The following UBE4A variants were observed in gnomAD, a reference collection of about 807,000 sequenced individuals.
The protein encoded by UBE4A is ubiquitination factor E4A, also known as ubiquitin conjugation factor E4 A.
Under a neutral mutation model 117.9 loss-of-function variants are expected in UBE4A, and 48 were observed. The ratio of observed to expected loss-of-function variants is 0.41; its 90% confidence interval spans 0.32 to 0.52. The LOEUF (loss-of-function observed/expected upper bound fraction) is 0.52, where lower values mean the gene tolerates loss of function less well. UBE4A is among the 20% of genes least tolerant of loss of function. The pLI, the probability that UBE4A is intolerant of heterozygous loss-of-function variation, is 0.33. For missense variants in UBE4A, 1,067 were observed against 1,296.3 expected (o/e 0.82, Z 2.72); for synonymous variants, 407 against 450.0 (o/e 0.90, Z 1.21).
chr11:118,376,452 C>A, intron 9 of UBE4A, 122 bp from the exon 10 acceptor site: 1 of 1,347,340 alleles, frequency 7.4e-7, no homozygotes, highest in Non-Finnish European at 9.9e-7. Context: ...AGACAAAGAA[C>A]TAATATGACA....
At chr11:118,395,535 A>G (rs1948862829) in intron 19 of UBE4A, among the ~76,000 whole-genome samples, 1 of 152,224 alleles carries the variant, frequency 6.6e-6, no homozygotes. Flanking sequence ...GTTTCAAGAA[A>G]CCATAATCTG....
intron 4 of UBE4A, 100 bp downstream of exon 4, chr11:118,369,635 C>T (rs1948592840): frequency 1.4e-6 from 1 of 715,296 alleles, no homozygotes; most frequent in Non-Finnish European, 2.3e-6. Context: ...TCCATATGTC[C>T]ATCCCTCTCT....
At chr11:118,373,337 A>G (rs1233451072) in intron 7 of UBE4A, 49 bp downstream of exon 7, 1 of 1,592,192 alleles carries the variant, frequency 6.3e-7, no homozygotes, top group East Asian at 2.2e-5. Context: ...TGTGTAATAC[A>G]TGATGCTTCC....
At chr11:118,361,076 G>C (rs1245259423) in intron 1 of UBE4A, among the ~76,000 whole-genome samples, 1 of 150,214 alleles carries the variant, frequency 6.7e-6, no homozygotes. Context: ...GAGTGCAGTG[G>C]CACGATCTCA....
rs1280948923 is a variant in UBE4A at position 118,368,768 on chromosome 11, A to G, written c.259A>G (p.Met87Val). The G allele has an allele frequency of 1.2e-6, 2 of 1,614,210 alleles. No individual in the cohort carries two copies. The highest frequency in any genetic ancestry group is 1.7e-6 in the Non-Finnish European group (2 of 1,180,032). The change falls in exon 3 of 20, where the codon ATG (methionine) becomes GTG (valine). Residue 87 changes from methionine to valine, a missense_variant. By Grantham distance (21) the Met-to-Val change is conservative. Transcript: ENST00000252108. ...EICEQLNINH[M>V]IQRIFLITLD... is the part of the protein sequence containing the mutation. ...ATGTGAGCAACTCAACATCAATCAC[A>G]TGATCCAAAGGATCTTCCTTATTAC...
rs144410807 is a variant in UBE4A, at chr11:118,381,202, A to G, written c.1877-189A>G. 5.0e-3 allele frequency among the ~76,000 whole-genome samples: 759 copies of G among 152,364 alleles called. 4 individuals carry two copies. Among genetic ancestry groups the G allele is most frequent in the Non-Finnish European group, 8.8e-3 (597 of 68,032 alleles). Reference sequence around the variant, plus strand: ...TTACTGTTCATATATTTACTTGAATAAAAATTTAAATTGACTTACATTTAA... The same window carrying G: ...TTACTGTTCATATATTTACTTGAATGAAAATTTAAATTGACTTACATTTAA... On this transcript the variant is annotated intron_variant, in intron 11 of 19. Transcript: ENST00000252108.
chr11:118,398,015 G>A lies in UBE4A; in HGVS notation c.*1575G>A, dbSNP rs1948890942. The A allele has an allele frequency of 6.6e-6, 1 of 152,572 alleles. No individual in the cohort carries two copies. The highest frequency in any genetic ancestry group is 1.5e-5 in the Non-Finnish European group (1 of 68,034). 9.5% of individuals were successfully genotyped at this position (152,572 alleles called of 1,614,324 possible). ...GTGCTCCCTGGGCCTTTATGGCATG[G>A]GTTGACAGGATTTGTTTATTTTCTA... is the stretch of plus-strand genomic sequence containing the variant. On this transcript the variant is annotated 3_prime_UTR_variant, in exon 20 of 20. Transcript: ENST00000252108.
rs1948683740 is a variant in UBE4A, at chr11:118,379,672, A to G, written c.1798A>G (p.Ile600Val). The G allele has an allele frequency of 6.2e-7, 1 of 1,614,242 alleles. No homozygotes were observed. The highest frequency in any genetic ancestry group is 8.5e-7 in the Non-Finnish European group (1 of 1,180,044). ...SMAVLLVQLA[I>V]GNEGSQPIEL... ...GGCTGTTCTACTGGTTCAACTGGCC[A>G]TAGGCAATGAGGGCTCACAGCCAAT... The change falls in exon 11 of 20, where the codon ATA becomes GTA. Residue 600 changes from isoleucine to valine, a missense_variant. Coordinates refer to ENST00000252108, the MANE Select transcript of UBE4A (RefSeq NM_001204077.2).
chr11:118,392,320 C>T (rs781808220), intron 18 of UBE4A, among the ~76,000 whole-genome samples: 1 of 152,186 alleles, frequency 6.6e-6, no homozygotes, highest in Non-Finnish European at 1.5e-5. Flanking sequence ...TATCAAAAAT[C>T]AAAAACTGCT....
intron 1 of UBE4A, among the ~76,000 whole-genome samples, chr11:118,360,340 C>T (rs1948510820): frequency 6.6e-6 from 1 of 152,150 alleles, no homozygotes; most frequent in South Asian, 2.1e-4. Context: ...TTTGGTCTCA[C>T]GTGGAAGCCC....
At chr11:118,374,384 T>C (rs1219765107) in intron 8 of UBE4A, among the ~76,000 whole-genome samples, 2 of 152,218 alleles carry the variant, frequency 1.3e-5, no homozygotes, top group Admixed American at 6.5e-5. Context: ...CTGGCCAACA[T>C]GAGGCATTGA....
intron 1 of UBE4A, among the ~76,000 whole-genome samples, chr11:118,361,784 C>T (rs1948522976): frequency 6.6e-6 from 1 of 152,164 alleles, no homozygotes. Context: ...GAAGTAGGGT[C>T]ATGGGTGATG....
At position 118,389,716 on chromosome 11, in the gene UBE4A, C is replaced by G; in HGVS notation, c.2588-9C>G. ...ATTGAGTTTTCAGAGACTTTGGATT[C>G]TTTTCCAGAGATCAAGTCACTCTTT... is the stretch of plus-strand genomic sequence containing the variant. On this transcript the variant is annotated splice_polypyrimidine_tract_variant and intron_variant, in intron 16 of 19. Coordinates refer to ENST00000252108, the MANE Select transcript of UBE4A (RefSeq NM_001204077.2). 6.3e-7 allele frequency: 1 copy of G among 1,579,804 alleles called. No homozygotes were observed.
At chr11:118,369,059 A>G (rs947789724) in intron 3 of UBE4A, among the ~76,000 whole-genome samples, 1 of 152,218 alleles carries the variant, frequency 6.6e-6, no homozygotes, top group African/African-American at 2.4e-5. Flanking sequence ...TAAAAAGGAA[A>G]TGGGAAGGGT....
Position 118,365,318 on chromosome 11 carries a change from TTTTG to T in UBE4A, c.121+128_121+131del, listed in dbSNP as rs1278510837. 13 of 1,400,804 alleles carry T rather than the reference TTTTG, an allele frequency of 9.3e-6. No homozygotes were observed. In the African/African-American group the frequency reaches 1.0e-4, roughly 11 times the overall value. 86.8% of individuals were successfully genotyped at this position (1,400,804 alleles called of 1,614,324 possible). Reference sequence around the variant, plus strand: ...ATTTAAGTTTGGAACAAAAGTTGGTTTTTGTTTGTTTGTTGAGAGCAGAAATTGG... The same window carrying T: ...ATTTAAGTTTGGAACAAAAGTTGGTTTTTGTTTGTTGAGAGCAGAAATTGG... On this transcript the variant is annotated intron_variant, in intron 2 of 19. Coordinates refer to ENST00000252108, the MANE Select transcript of UBE4A (RefSeq NM_001204077.2).
At chr11:118,368,226 A>T (rs760995949) in intron 2 of UBE4A, among the ~76,000 whole-genome samples, 3 of 152,220 alleles carry the variant, frequency 2.0e-5, no homozygotes, top group Non-Finnish European at 4.4e-5. Context: ...GAGACTTTCT[A>T]TACTATATTT....
intron 3 of UBE4A, 125 bp downstream of exon 3, chr11:118,368,929 C>G (rs1255708836): frequency 4.1e-6 from 4 of 966,966 alleles, no homozygotes; most frequent in Non-Finnish European, 6.2e-6. Context: ...CCCTGGAACT[C>G]AGGGTTTATA....
At chr11:118,377,741 C>T (rs1294063889) in intron 10 of UBE4A, among the ~76,000 whole-genome samples, 3 of 149,568 alleles carry the variant, frequency 2.0e-5, no homozygotes, top group South Asian at 2.1e-4. Context: ...GGCAAAACCC[C>T]GTCTCTACAA....
intron 16 of UBE4A, among the ~76,000 whole-genome samples, chr11:118,388,712 G>A (rs879971248): frequency 3.3e-5 from 5 of 150,890 alleles, no homozygotes; most frequent in Non-Finnish European, 7.4e-5. Context: ...ATTGATAAGT[G>A]TAGGAAAAAA....
Sources: gnomAD v4.1 joint callset for allele counts (sites outside exome capture counted in the v4.1 genomes callset) on GRCh38, gnomAD v4.1.1 for gene constraint, MANE v1.5 for transcripts, NCBI Gene and HGNC (gene_info 2026-07-23, HGNC 2026-07-21) for gene names.